Variants in FARS2 observed in about 807,000 individuals in gnomAD.
FARS2 encodes the protein phenylalanyl-tRNA synthetase 2, mitochondrial, also known as phenylalanine--tRNA ligase, mitochondrial.
A neutral mutation model predicts 46.4 loss-of-function variants in FARS2; 40 were observed. The observed-to-expected ratio is 0.86, with a 90% CI of 0.67 to 1.12. The LOEUF (loss-of-function observed/expected upper bound fraction) is 1.12, where lower values mean the gene tolerates loss of function less well. FARS2 is among the 50% of genes most tolerant of loss of function. The pLI is 0.00. For synonymous variants in FARS2, 234 were observed against 214.9 expected (o/e 1.09, Z -0.78); for missense variants, 513 against 567.9 (o/e 0.90, Z 0.98).
intron 6 of FARS2, among the ~76,000 whole-genome samples, chr6:5,696,809 A>T (rs1344505251): frequency 6.6e-6 from 1 of 152,232 alleles, no homozygotes; most frequent in African/African-American, 2.4e-5. Context: ...TAAAAATACA[A>T]TGTGGAAGAC....
intron 4 of FARS2, among the ~76,000 whole-genome samples, chr6:5,514,774 T>TC (rs1481409368): frequency 6.6e-6 from 1 of 151,840 alleles, no homozygotes; most frequent in Non-Finnish European, 1.5e-5. Flanking sequence ...TGTGGCTTTT[T>TC]TTTTTTTTAA....
intron 4 of FARS2, among the ~76,000 whole-genome samples, chr6:5,496,424 T>C (rs1486770003): frequency 6.6e-6 from 1 of 152,238 alleles, no homozygotes. Flanking sequence ...AAGCTTGACA[T>C]CTGTGTAGAG....
chr6:5,617,169 T>G (rs1474900249), intron 6 of FARS2, among the ~76,000 whole-genome samples: 1 of 152,146 alleles, frequency 6.6e-6, no homozygotes, highest in Non-Finnish European at 1.5e-5. Context: ...AATAGAGTAT[T>G]AGAAATACTC....
intron 5 of FARS2, among the ~76,000 whole-genome samples, chr6:5,573,083 A>C (rs555273356): frequency 6.6e-6 from 1 of 152,300 alleles, no homozygotes; most frequent in African/African-American, 2.4e-5. Flanking sequence ...GCTTTTTGGC[A>C]GTCACATAGG....
intron 4 of FARS2, 45 bp downstream of exon 4, chr6:5,431,217 C>A (rs747333223): frequency 2.5e-6 from 4 of 1,603,190 alleles, no homozygotes; most frequent in Non-Finnish European, 3.4e-6. Flanking sequence ...TCTAAAGGAA[C>A]CCTCCCTTCT....
chr6:5,441,768 C>A (rs149836767), intron 4 of FARS2, among the ~76,000 whole-genome samples: 6 of 152,266 alleles, frequency 3.9e-5, no homozygotes, highest in South Asian at 2.1e-4. Flanking sequence ...TTTTACCTAG[C>A]GGTAGAATTG....
At chr6:5,461,109 G>T (rs185533984) in intron 4 of FARS2, among the ~76,000 whole-genome samples, 16 of 151,350 alleles carry the variant, frequency 1.1e-4, no homozygotes, top group Admixed American at 2.0e-4. Flanking sequence ...CATGATCTCA[G>T]CTCACTGGAA....
intron 5 of FARS2, among the ~76,000 whole-genome samples, chr6:5,597,887 TC>T (rs1774289373): frequency 6.6e-6 from 1 of 152,216 alleles, no homozygotes; most frequent in African/African-American, 2.4e-5. Flanking sequence ...CCTTTAATTT[TC>T]TTTTTTATCT....
chr6:5,549,783 G>C (rs962878324), intron 5 of FARS2, among the ~76,000 whole-genome samples: 3 of 152,110 alleles, frequency 2.0e-5, no homozygotes, highest in African/African-American at 7.2e-5. Flanking sequence ...TTTGGGTAGG[G>C]TTGGGGGCAT....
At chr6:5,552,172 A>T (rs967161254) in intron 5 of FARS2, among the ~76,000 whole-genome samples, 13 of 152,188 alleles carry the variant, frequency 8.5e-5, no homozygotes, top group Admixed American at 8.5e-4. Context: ...GCCATTTTTA[A>T]CTATTTATGT....
intron 2 of FARS2, among the ~76,000 whole-genome samples, chr6:5,384,160 G>C (rs546406265): frequency 6.6e-6 from 1 of 152,250 alleles, no homozygotes; most frequent in Admixed American, 6.5e-5. Flanking sequence ...CATGTAATTT[G>C]TGTGCAGCTT....
intron 4 of FARS2, among the ~76,000 whole-genome samples, chr6:5,544,605 T>C (rs1770846228): frequency 6.6e-6 from 1 of 152,208 alleles, no homozygotes; most frequent in South Asian, 2.1e-4. Flanking sequence ...GTGCTAGTTA[T>C]ACCCCTCGTC....
chr6:5,749,704 A>G (rs1407084580), intron 6 of FARS2, among the ~76,000 whole-genome samples: 3 of 152,240 alleles, frequency 2.0e-5, no homozygotes. Flanking sequence ...TAAAAAGTCC[A>G]TAAAGAGATT....
At chr6:5,260,608 CT>C, upstream of FARS2, 27 of 1,338,008 alleles carry the variant, frequency 2.0e-5, no homozygotes, top group South Asian at 2.5e-5. Context: ...TCCCCGGCCC[CT>C]GGCCCCCCGC....
chr6:5,275,611 C>T (rs1766280312), intron 1 of FARS2, among the ~76,000 whole-genome samples: 1 of 152,070 alleles, frequency 6.6e-6, no homozygotes. Context: ...CTGCATCTTT[C>T]ATCCTCCTGC....
At chr6:5,496,998 T>C (rs1041610984) in intron 4 of FARS2, among the ~76,000 whole-genome samples, 12 of 152,128 alleles carry the variant, frequency 7.9e-5, no homozygotes, top group Non-Finnish European at 8.8e-5. Context: ...ATATATGTTT[T>C]GAGGGGGCAT....
At chr6:5,440,070 C>CT (rs1353137723) in intron 4 of FARS2, among the ~76,000 whole-genome samples, 33 of 151,942 alleles carry the variant, frequency 2.2e-4, no homozygotes, top group African/African-American at 7.0e-4. Context: ...GATGGTGAGA[C>CT]TTTTTTTCTG....
intron 6 of FARS2, among the ~76,000 whole-genome samples, chr6:5,661,518 C>G (rs113915331): frequency 9.5e-4 from 144 of 152,132 alleles, no homozygotes; most frequent in African/African-American, 3.3e-3. Context: ...CTGCCTGGAA[C>G]GTGGGGGAGC....
chr6:5,535,813 A>G (rs976255699), intron 4 of FARS2, among the ~76,000 whole-genome samples: 13 of 150,400 alleles, frequency 8.6e-5, no homozygotes, highest in African/African-American at 2.7e-4. Flanking sequence ...CTTTTATCCT[A>G]TTGTTACAGT....
Sources: gnomAD v4.1 joint callset for allele counts (sites outside exome capture counted in the v4.1 genomes callset) on GRCh38, gnomAD v4.1.1 for gene constraint, MANE v1.5 for transcripts, NCBI Gene and HGNC (gene_info 2026-07-23, HGNC 2026-07-21) for gene names.